LRRK2: variants seen among roughly 807,000 people sequenced by gnomAD.
LRRK2 encodes leucine-rich repeat serine/threonine-protein kinase 2.
Under a neutral mutation model 302.6 loss-of-function variants are expected in LRRK2, and 203 were observed. The ratio of observed to expected loss-of-function variants is 0.67; its 90% CI spans 0.60 to 0.75. The LOEUF is 0.75. Among genes scored for constraint, LRRK2 ranks in the 30% least tolerant of loss-of-function variants. LRRK2 has a pLI of 0.00. For synonymous variants in LRRK2, 1,066 were observed against 1,031.9 expected, an observed-to-expected ratio of 1.03 and a Z score of -0.63; for missense variants, 2,830 against 2,951.0, an observed-to-expected ratio of 0.96 and a Z score of 0.95.
chr12:40,231,737 A>G (rs1225073427), intron 2 of LRRK2, among the ~76,000 whole-genome samples: 1 of 147,588 alleles, frequency 6.8e-6, no homozygotes, highest in Non-Finnish European at 1.5e-5. Flanking sequence ...TAATTTAGAA[A>G]TTATATGTAT....
chr12:40,240,049 T>C (rs778421038), intron 5 of LRRK2, among the ~76,000 whole-genome samples: 2 of 152,214 alleles, frequency 1.3e-5, no homozygotes, highest in African/African-American at 4.8e-5. Flanking sequence ...TTTGCTCAAG[T>C]TGACAACTCT....
intron 46 of LRRK2, among the ~76,000 whole-genome samples, chr12:40,356,710 G>A (rs1946550506): frequency 6.6e-6 from 1 of 152,276 alleles, no homozygotes; most frequent in African/African-American, 2.4e-5. Context: ...TCTGATGAGA[G>A]ACAGGGAAGT....
intron 42 of LRRK2, among the ~76,000 whole-genome samples, chr12:40,347,822 G>A (rs977802195): frequency 6.6e-6 from 1 of 152,088 alleles, no homozygotes; most frequent in South Asian, 2.1e-4. Context: ...AAGTAGCTGG[G>A]CATGGTGGCA....
At chr12:40,289,867 A>G (rs567546518) in intron 20 of LRRK2, among the ~76,000 whole-genome samples, 4 of 151,960 alleles carry the variant, frequency 2.6e-5, no homozygotes, top group African/African-American at 9.6e-5. Context: ...TCACAATTAT[A>G]CCATTTGGTA....
chr12:40,300,642 A>G (rs1404575539), intron 25 of LRRK2, among the ~76,000 whole-genome samples: 1 of 152,124 alleles, frequency 6.6e-6, no homozygotes, highest in Non-Finnish European at 1.5e-5. Context: ...CCACTTTCCA[A>G]CCATGATCTT....
rs1010076865 is a variant in LRRK2 at position 40,274,836 on chromosome 12, T to C, written c.1802-18T>C. ...CAGTTTTGAGATTTAAAACAATTCT[T>C]TTTTTTTATTTTCCTAGAAATTCAG... On this transcript the variant is annotated intron_variant, in intron 15 of 50. Transcript: ENST00000298910. 1 of 1,608,610 alleles carries C rather than the reference T, an allele frequency of 6.2e-7. No individual in the cohort carries two copies. The highest frequency in any genetic ancestry group is 8.5e-7 in the Non-Finnish European group (1 of 1,175,784).
At chr12:40,276,047 A>G (rs1943438305) in intron 16 of LRRK2, among the ~76,000 whole-genome samples, 1 of 152,214 alleles carries the variant, frequency 6.6e-6, no homozygotes, top group Non-Finnish European at 1.5e-5. Flanking sequence ...AGTTATGAAC[A>G]TACAAAATTC....
At chr12:40,366,555 A>C (rs1946886053) in intron 49 of LRRK2, 1 of 163,958 alleles carries the variant, frequency 6.1e-6, no homozygotes, top group South Asian at 1.6e-4. Context: ...TGAATAAATT[A>C]GTGAATGATT....
chr12:40,330,279 A>G (rs1161376932), intron 39 of LRRK2, among the ~76,000 whole-genome samples: 1 of 152,178 alleles, frequency 6.6e-6, no homozygotes, highest in Non-Finnish European at 1.5e-5. Context: ...TGTGGTGGAT[A>G]TGTCATCACA....
In LRRK2 at chr12:40,228,882, A is replaced by G. The variant is rs563194562; in HGVS notation, c.237+3242A>G. ...AAATATTACCGGATGTTTTACTGTC[A>G]TAGCGAAGTGAGAGTAAGCTGCTCA... On this transcript the variant is annotated intron_variant, in intron 2 of 50. Coordinates refer to ENST00000298910, the MANE Select transcript of LRRK2 (RefSeq NM_198578.4). 2.6e-5 allele frequency among the ~76,000 whole-genome samples: 4 copies of G among 152,314 alleles called. No homozygotes were observed. The East Asian group carries it at 5.8e-4, about 22-fold the overall frequency.
chr12:40,298,628 C>A, intron 24 of LRRK2, 135 bp downstream of exon 24: 2 of 1,156,842 alleles, frequency 1.7e-6, no homozygotes, highest in South Asian at 1.3e-5. Context: ...AAAAATTAGC[C>A]CAGCGTGGTG....
intron 44 of LRRK2, 130 bp from the exon 45 acceptor site, chr12:40,354,169 G>A: frequency 5.5e-6 from 4 of 724,704 alleles, no homozygotes; most frequent in Non-Finnish European, 9.0e-6. Flanking sequence ...AATAAAATTG[G>A]CATTGTTTTT....
chr12:40,303,109 G>T lies in LRRK2; in HGVS notation c.3590+227G>T, dbSNP rs542856409. On this transcript the variant is annotated intron_variant, in intron 26 of 50. Coordinates refer to ENST00000298910, the MANE Select transcript of LRRK2 (RefSeq NM_198578.4). ...CATTGTGTAAAAACAACTTAAGATT[G>T]TTTAATTAATTGCTGTATTAGTATA... Among the ~76,000 whole-genome samples, 13 of 152,144 alleles carry T rather than the reference G, an allele frequency of 8.5e-5. No individual in the cohort carries two copies. The South Asian group carries it at 2.7e-3, about 31-fold the overall frequency.
chr12:40,323,083 T>A, intron 37 of LRRK2, 77 bp from the exon 38 acceptor site: 1 of 1,238,762 alleles, frequency 8.1e-7, no homozygotes, highest in South Asian at 1.3e-5. Context: ...TTCCATTATT[T>A]TTTCACATCA....
intron 16 of LRRK2, among the ~76,000 whole-genome samples, chr12:40,276,978 C>T (rs1057500847): frequency 6.6e-6 from 1 of 152,000 alleles, no homozygotes; most frequent in Non-Finnish European, 1.5e-5. Context: ...TCCTGAGTAG[C>T]TGGGACTACA....
At chr12:40,288,053 A>G (rs1036910402) in intron 20 of LRRK2, among the ~76,000 whole-genome samples, 2 of 151,924 alleles carry the variant, frequency 1.3e-5, no homozygotes, top group East Asian at 1.9e-4. Context: ...GGTGAAATAT[A>G]TAATGACAAT....
intron 38 of LRRK2, among the ~76,000 whole-genome samples, chr12:40,325,922 A>C (rs2136904902): frequency 6.6e-6 from 1 of 152,334 alleles, no homozygotes; most frequent in South Asian, 2.1e-4. Flanking sequence ...GAGAAGCCAC[A>C]GGGTACATTT....
intron 7 of LRRK2, among the ~76,000 whole-genome samples, chr12:40,244,718 C>G (rs1413098168): frequency 8.5e-6 from 1 of 117,186 alleles, no homozygotes; most frequent in East Asian, 2.5e-4. Context: ...GAACATCACA[C>G]TCTGGGGACT....
In LRRK2 at chr12:40,351,477, A is replaced by AT. The variant is rs1946349287; in HGVS notation, c.6382-57dup. On this transcript the variant is annotated intron_variant, in intron 43 of 50. Transcript: ENST00000298910. ...GCTATAACACTTCAGTCTATATTTG[A>AT]TTTTTCAAGGGAAATGAGTTAACTC... The AT allele has an allele frequency of 1.9e-6, 3 of 1,545,490 alleles. No individual in the cohort carries two copies. The Admixed American group carries it at 5.2e-5, about 27-fold the overall frequency.
Sources: gnomAD v4.1 joint callset for allele counts (sites outside exome capture counted in the v4.1 genomes callset) on GRCh38, gnomAD v4.1.1 for gene constraint, MANE v1.5 for transcripts, NCBI Gene and HGNC (gene_info 2026-07-23, HGNC 2026-07-21) for gene names.